LYPD3: variants seen among roughly 807,000 people sequenced by gnomAD.
LYPD3 encodes LY6/PLAUR domain containing 3.
Under a neutral mutation model 21.7 loss-of-function variants are expected in LYPD3, and 22 were observed. The observed-to-expected ratio is 1.01, with a 90% confidence interval of 0.72 to 1.45. The LOEUF is 1.45. Among genes scored for constraint, LYPD3 ranks in the 40% most tolerant of loss-of-function variants. LYPD3 has a pLI of 0.00. For missense variants in LYPD3, 471 were observed against 466.9 expected (o/e 1.01, Z -0.08); for synonymous variants, 179 against 203.0 (o/e 0.88, Z 1.00).
chr19:43,465,341 G>A (rs1457019247), intron 1 of LYPD3, 152 bp downstream of exon 1: 8 of 852,612 alleles, frequency 9.4e-6, no homozygotes, highest in African/African-American at 1.7e-5. Context: ...CCTTCCCTCT[G>A]CCTCCCTTGC....
Position 43,463,743 on chromosome 19 carries a change from G to A in LYPD3, c.238C>T (p.Arg80Trp), listed in dbSNP as rs1970796313. The A allele has an allele frequency of 6.2e-7, 1 of 1,613,318 alleles. No homozygotes were observed. Among genetic ancestry groups the A allele is most frequent in the East Asian group, 2.2e-5 (1 of 44,890 alleles). Reference protein sequence around the residue: ...TIHGQFSLAVRGCGSGLPGKN... With the variant: ...TIHGQFSLAVWGCGSGLPGKN... ...CCGGGGAGTCCCGAACCGCAACCCC[G>A]CACTGCCAGCGAGAATTGTCCGTGG... Residue 80 changes from arginine to tryptophan, a missense_variant, in exon 3 of 5, where the codon CGG (arginine) becomes TGG (tryptophan). Coordinates refer to ENST00000244333, the MANE Select transcript of LYPD3 (RefSeq NM_014400.3).
At position 43,461,553 on chromosome 19, in the gene LYPD3, G is replaced by C. The variant is rs370193926; in HGVS notation, c.839C>G (p.Pro280Arg). Residue 280 changes from proline (P) to arginine (R), a missense_variant, in exon 5 of 5, where the codon CCG (proline) becomes CGG (arginine). Coordinates refer to ENST00000244333, the MANE Select transcript of LYPD3 (RefSeq NM_014400.3). ...GGCCTCGTGTTCTACTCCCTGTCTC[G>C]GAGTCTGACTGGTTGGCGCTGGCAT... Reference protein sequence around the residue: ...KPMPAPTSQTPRQGVEHEASR... With the variant: ...KPMPAPTSQTRRQGVEHEASR... The C allele has an allele frequency of 4.3e-6, 7 of 1,614,052 alleles. No homozygotes were observed. Among genetic ancestry groups the C allele is most frequent in the African/African-American group, 1.3e-5 (1 of 74,914 alleles).
In LYPD3 at chr19:43,465,579, T is replaced by G; in HGVS notation, c.-8A>C. On this transcript the variant is annotated 5_prime_UTR_variant, in exon 1 of 5. Transcript: ENST00000244333. The stretch of plus-strand genomic sequence containing the variant: ...TTTCCTGGCGGGGTCCATGGCTCCG[T>G]CCTGCTCCCTTGGCGTCCCCCCTGG... 6.2e-7 allele frequency: 1 copy of G among 1,608,590 alleles called. No homozygotes were observed.
intron 2 of LYPD3, 130 bp from the exon 3 acceptor site, chr19:43,463,899 T>C (rs1410208420): frequency 1.1e-6 from 1 of 940,048 alleles, no homozygotes; most frequent in Non-Finnish European, 1.6e-6. Context: ...CAGGCAGGAA[T>C]TGGCGGATGG....
chr19:43,463,821 G>T, intron 2 of LYPD3, 52 bp from the exon 3 acceptor site: 1 of 1,584,258 alleles, frequency 6.3e-7, no homozygotes, highest in Non-Finnish European at 8.6e-7. Flanking sequence ...CTCAGATGGG[G>T]CGTGGCCCAG....
At position 43,461,758 on chromosome 19, in the gene LYPD3, T is replaced by C; in HGVS notation, c.634A>G (p.Ser212Gly). 2.5e-6 allele frequency: 4 copies of C among 1,614,154 alleles called. No homozygotes were observed. Among genetic ancestry groups the C allele is most frequent in the Non-Finnish European group, 3.4e-6 (4 of 1,180,040 alleles). Residue 212 changes from serine to glycine, a missense_variant, in exon 5 of 5, where the codon AGT (serine) becomes GGT (glycine). Coordinates refer to ENST00000244333, the MANE Select transcript of LYPD3 (RefSeq NM_014400.3). The stretch of plus-strand genomic sequence containing the variant: ...CGGGACCCCTGGCAACAGGAGCCAC[T>C]GAGCGTGAACCCTGGGCCTGTTACT... The part of the protein sequence containing the change: ...DGVTGPGFTL[S>G]GSCCQGSRCN...
rs1169489306 is a variant in LYPD3 at position 43,463,778 on chromosome 19, A to C, written c.212-9T>G. 1.9e-6 allele frequency: 3 copies of C among 1,610,422 alleles called. No homozygotes were observed. Among genetic ancestry groups the C allele is most frequent in the East Asian group, 2.2e-5 (1 of 44,772 alleles). On this transcript the variant is annotated splice_polypyrimidine_tract_variant and intron_variant, in intron 2 of 4. Coordinates refer to ENST00000244333, the MANE Select transcript of LYPD3 (RefSeq NM_014400.3). ...CGAGAATTGTCCGTGGACTAGGGAG[A>C]GGGACAAGGGCGGGATTAGCTGTGG... is the stretch of plus-strand genomic sequence containing the variant.
chr19:43,463,439 C>A, intron 3 of LYPD3, 152 bp from the exon 4 acceptor site: 1 of 1,371,654 alleles, frequency 7.3e-7, no homozygotes, highest in South Asian at 1.2e-5. Context: ...GCGGCGCCTA[C>A]AGCCAGAAAG....
chr19:43,465,552 G>T lies in LYPD3; in HGVS notation c.20C>A (p.Ala7Glu). Residue 7 changes from alanine to glutamate, a missense_variant, in exon 1 of 5, where the codon GCA (alanine) becomes GAA (glutamate). By Grantham distance (107) the Ala-to-Glu change is moderately radical. Coordinates refer to ENST00000244333, the MANE Select transcript of LYPD3 (RefSeq NM_014400.3). Reference sequence around the variant, plus strand: ...AGTCCAGATCATGGCCTGGGCACCTGCTTTCCTGGCGGGGTCCATGGCTCC... The same window carrying T: ...AGTCCAGATCATGGCCTGGGCACCTTCTTTCCTGGCGGGGTCCATGGCTCC... MDPARK[A>E]GAQAMIWTAG... The T allele has an allele frequency of 6.2e-7, 1 of 1,610,416 alleles. No individual in the cohort carries two copies.
chr19:43,463,405 AG>A, intron 3 of LYPD3, 118 bp from the exon 4 acceptor site: 1 of 1,385,892 alleles, frequency 7.2e-7, no homozygotes, highest in Non-Finnish European at 9.9e-7. Flanking sequence ...GCCTACTAGT[AG>A]CCCCGCCCCA....
chr19:43,461,667 G>A lies in LYPD3; in HGVS notation c.725C>T (p.Pro242Leu), dbSNP rs201832907. The A allele has an allele frequency of 4.1e-4, 654 of 1,614,152 alleles. 3 individuals are homozygous for A. The South Asian group carries it at 4.4e-3, about 11-fold the overall frequency. ...GGCCACAGTCGTGGGCTCTGGAGGG[G>A]GCAGCCGGACAAGGGGTGGGATTCG... ...SPRIPPLVRL[P>L]PPEPTTVAST... Residue 242 changes from proline (P) to leucine (L), a missense_variant, in exon 5 of 5, where the codon CCC (proline) becomes CTC (leucine). By Grantham distance (98) the Pro-to-Leu change is moderately conservative. Transcript: ENST00000244333.
At chr19:43,464,505 C>T in intron 1 of LYPD3, 49 bp from the exon 2 acceptor site, 1 of 1,611,662 alleles carries the variant, frequency 6.2e-7, no homozygotes, top group Non-Finnish European at 8.5e-7. Context: ...CTAAAGCGTC[C>T]ACCCCCAAGG....
chr19:43,463,224 T>C lies in LYPD3; in HGVS notation c.446A>G (p.Glu149Gly). 1 of 1,608,530 alleles carries C rather than the reference T, an allele frequency of 6.2e-7. No homozygotes were observed. The highest frequency in any genetic ancestry group is 1.1e-5 in the South Asian group (1 of 91,082). The change falls in exon 4 of 5, where the codon GAG (glutamate) becomes GGG (glycine). Residue 149 changes from glutamate (E) to glycine (G), a missense_variant. By Grantham distance (98) the Glu-to-Gly change is moderately conservative. Transcript: ENST00000244333. ...ECYSCVGLSR[E>G]ACQGTSPPVV... ...CGGCGGCGATGTACCCTGGCACGCC[T>C]CCCGGCTCAGGCCCACACAGCTGTA...
rs549743367 is a variant in LYPD3, at chr19:43,463,097, G to T, written c.544+29C>A. The stretch of plus-strand genomic sequence containing the variant: ...CTTCAGAAGGGCTACCACAACTCCC[G>T]TAGGTCCCGTGCTCCGGGGCTCCCT... On this transcript the variant is annotated intron_variant, in intron 4 of 4. Transcript: ENST00000244333. The T allele has an allele frequency of 9.0e-5, 144 of 1,608,790 alleles. No homozygotes were observed. The South Asian group carries it at 1.5e-3, about 16-fold the overall frequency.
intron 4 of LYPD3, among the ~76,000 whole-genome samples, chr19:43,462,338 T>A (rs1474499498): frequency 6.6e-6 from 1 of 152,022 alleles, no homozygotes; most frequent in Non-Finnish European, 1.5e-5. Flanking sequence ...GGCTTTTACC[T>A]CCCCATCAGA....
At chr19:43,462,136 A>T (rs1330162656) in intron 4 of LYPD3, among the ~76,000 whole-genome samples, 1 of 152,190 alleles carries the variant, frequency 6.6e-6, no homozygotes, top group Non-Finnish European at 1.5e-5. Context: ...AGAAACAGAC[A>T]GACTCACTGT....
chr19:43,461,544 C>T lies in LYPD3; in HGVS notation c.848G>A (p.Gly283Glu). Residue 283 changes from glycine (G) to glutamate (E), a missense_variant, in exon 5 of 5, where the codon GGA becomes GAA. Transcript: ENST00000244333. ...ATCCCGGGAGGCCTCGTGTTCTACT[C>T]CCTGTCTCGGAGTCTGACTGGTTGG... ...PAPTSQTPRQ[G>E]VEHEASRDEE... is the part of the protein sequence containing the mutation. 6.2e-7 allele frequency: 1 copy of T among 1,614,154 alleles called. No individual in the cohort carries two copies. Among genetic ancestry groups the T allele is most frequent in the Non-Finnish European group, 8.5e-7 (1 of 1,180,032 alleles).
At chr19:43,462,779 G>A (rs1227698293) in intron 4 of LYPD3, among the ~76,000 whole-genome samples, 1 of 152,146 alleles carries the variant, frequency 6.6e-6, no homozygotes, top group Non-Finnish European at 1.5e-5. Context: ...TGGGACAGGC[G>A]GGGGACCCCT....
intron 4 of LYPD3, 142 bp downstream of exon 4, chr19:43,462,984 G>C (rs1970787049): frequency 1.2e-6 from 1 of 814,474 alleles, no homozygotes; most frequent in Non-Finnish European, 2.0e-6. Context: ...GATGCCCTAC[G>C]ATACAAGCAC....
Sources: gnomAD v4.1 joint callset for allele counts (sites outside exome capture counted in the v4.1 genomes callset) on GRCh38, gnomAD v4.1.1 for gene constraint, MANE v1.5 for transcripts, NCBI Gene and HGNC (gene_info 2026-07-23, HGNC 2026-07-21) for gene names.